ZMYM4: variants seen among roughly 807,000 people sequenced by gnomAD.
The protein encoded by ZMYM4 is zinc finger MYM-type containing 4.
A neutral mutation model predicts 183.2 loss-of-function variants in ZMYM4; 31 were observed. That is an observed-to-expected ratio of 0.17 (90% confidence interval 0.13 to 0.23). ZMYM4 has a LOEUF of 0.23. ZMYM4 is among the 10% of genes least tolerant of loss of function. The pLI is 1.00. For synonymous variants in ZMYM4, 592 were observed against 631.2 expected (o/e 0.94, Z 0.93); for missense variants, 1,273 against 1,840.3 (o/e 0.69, Z 5.64).
intron 1 of ZMYM4, among the ~76,000 whole-genome samples, chr1:35,296,843 C>CTTTCTTTTTTTTTTTTTTTTTTTTTTTT (rs1553163901): frequency 2.1e-5 from 2 of 95,602 alleles, no homozygotes; most frequent in East Asian, 7.1e-4. Context: ...TTCTTTCTTT[C>CTTTCTTTTTTTTTTTTTTTTTTTTTTTT]TTTTTTTTTT....
At chr1:35,297,498 A>G (rs1641079013) in intron 1 of ZMYM4, among the ~76,000 whole-genome samples, 1 of 151,772 alleles carries the variant, frequency 6.6e-6, no homozygotes, top group Non-Finnish European at 1.5e-5. Context: ...AAAAATGTAT[A>G]TATATTTTTA....
chr1:35,366,710 A>G (rs1252603924), intron 5 of ZMYM4, among the ~76,000 whole-genome samples: 1 of 152,180 alleles, frequency 6.6e-6, no homozygotes. Flanking sequence ...GATGTCAGTT[A>G]TTTTTAAATT....
Position 35,387,029 on chromosome 1 carries a change from G to A in ZMYM4, c.1863G>A (p.Met621Ile), listed in dbSNP as rs749060027. 8.1e-6 allele frequency: 13 copies of A among 1,613,978 alleles called. No homozygotes were observed. Among genetic ancestry groups the A allele is most frequent in the Non-Finnish European group, 1.1e-5 (13 of 1,179,910 alleles). ...FQNLFNKPTG[M>I]NSSVVPLSQG... ...ATTTATTCAACAAACCAACTGGAAT[G>A]AATTCTTCAGTAGTGCCCTTGTCTC... The change falls in exon 12 of 30, where the codon ATG becomes ATA. Residue 621 changes from methionine to isoleucine, a missense_variant. Transcript: ENST00000314607.
At chr1:35,417,042 T>C (rs766769503) in intron 28 of ZMYM4, among the ~76,000 whole-genome samples, 11 of 152,134 alleles carry the variant, frequency 7.2e-5, no homozygotes, top group Non-Finnish European at 1.5e-4. Context: ...AAAGTAATAA[T>C]GCAGGAAGCT....
chr1:35,420,904 C>G lies in ZMYM4; in HGVS notation c.*1227C>G, dbSNP rs1055835537. The G allele has an allele frequency of 1.3e-5, 2 of 152,526 alleles. No homozygotes were observed. Among genetic ancestry groups the G allele is most frequent in the Admixed American group, 1.3e-4 (2 of 15,276 alleles). 9.4% of individuals were successfully genotyped at this position (152,526 alleles called of 1,614,324 possible). On this transcript the variant is annotated 3_prime_UTR_variant, in exon 30 of 30. Transcript: ENST00000314607. Reference sequence around the variant, plus strand: ...AGGTCTTAGAGCATTATTCCAAACTCTAGCTGTTTCAGTAGTTCTATGAGG... The same window carrying G: ...AGGTCTTAGAGCATTATTCCAAACTGTAGCTGTTTCAGTAGTTCTATGAGG...
chr1:35,284,809 A>C lies in ZMYM4; in HGVS notation c.39+15724A>C, dbSNP rs1570249373. 6.6e-5 allele frequency among the ~76,000 whole-genome samples: 10 copies of C among 152,158 alleles called. 1 individual carries two copies. Among genetic ancestry groups the C allele is most frequent in the Admixed American group, 2.0e-4 (3 of 15,286 alleles). On this transcript the variant is annotated intron_variant, in intron 1 of 29. Coordinates refer to ENST00000314607, the MANE Select transcript of ZMYM4 (RefSeq NM_005095.3). The stretch of plus-strand genomic sequence containing the variant: ...TGTTTGTGAGGTGAGAGAGAGTGTA[A>C]GCTTTCTGGTGTTTCTTCTTAGAAG...
At chr1:35,276,697 T>G (rs1350267685) in intron 1 of ZMYM4, among the ~76,000 whole-genome samples, 1 of 152,156 alleles carries the variant, frequency 6.6e-6, no homozygotes, top group Non-Finnish European at 1.5e-5. Flanking sequence ...ATCGTCCGTC[T>G]CCTGGGTTCA....
intron 18 of ZMYM4, among the ~76,000 whole-genome samples, chr1:35,394,955 A>T (rs1402158034): frequency 2.0e-5 from 3 of 152,062 alleles, no homozygotes; most frequent in Admixed American, 6.5e-5. Context: ...CTACTAAAAA[A>T]TTTTTAAAAG....
intron 1 of ZMYM4, among the ~76,000 whole-genome samples, 159 bp from the exon 2 acceptor site, chr1:35,325,201 A>G: frequency 6.6e-6 from 1 of 151,916 alleles, no homozygotes; most frequent in Non-Finnish European, 1.5e-5. Flanking sequence ...GTTCATCCTA[A>G]ATTTTATTTT....
intron 26 of ZMYM4, among the ~76,000 whole-genome samples, chr1:35,409,399 A>G (rs1053260942): frequency 1.3e-5 from 2 of 152,042 alleles, no homozygotes; most frequent in Non-Finnish European, 2.9e-5. Flanking sequence ...ACAGCAGTGT[A>G]TGAAGATTCC....
chr1:35,381,253 T>C lies in ZMYM4; in HGVS notation c.1182-6T>C. On this transcript the variant is annotated splice_region_variant and splice_polypyrimidine_tract_variant and intron_variant, in intron 7 of 29. Transcript: ENST00000314607. ...ATGGCTTATGTTATTTTTTTCTTAT[T>C]TTTAGAGACATTTTAAATCCAAAGG... 1.3e-6 allele frequency: 2 copies of C among 1,566,606 alleles called. No individual in the cohort carries two copies. Among genetic ancestry groups the C allele is most frequent in the Non-Finnish European group, 1.7e-6 (2 of 1,158,746 alleles).
At chr1:35,323,277 C>T (rs1013678105) in intron 1 of ZMYM4, among the ~76,000 whole-genome samples, 1 of 152,182 alleles carries the variant, frequency 6.6e-6, no homozygotes, top group Non-Finnish European at 1.5e-5. Flanking sequence ...GCTGGGATTA[C>T]AGGCGTGAGC....
chr1:35,402,544 G>C (rs370914418), intron 23 of ZMYM4, among the ~76,000 whole-genome samples: 139 of 152,182 alleles, frequency 9.1e-4, no homozygotes, highest in African/African-American at 2.8e-3. Flanking sequence ...TTGAGCCTAG[G>C]GGGGGTCGAG....
chr1:35,299,038 T>G (rs889376016), intron 1 of ZMYM4, among the ~76,000 whole-genome samples: 2 of 151,916 alleles, frequency 1.3e-5, no homozygotes, highest in South Asian at 4.1e-4. Context: ...AAAGTTTTTT[T>G]TTTTTTTTTT....
chr1:35,405,579 A>G (rs1401950346), intron 25 of ZMYM4, 111 bp downstream of exon 25: 4 of 866,002 alleles, frequency 4.6e-6, no homozygotes, highest in Non-Finnish European at 6.7e-6. Flanking sequence ...TTAAGGTTAG[A>G]AAGAGAAATT....
intron 2 of ZMYM4, among the ~76,000 whole-genome samples, chr1:35,357,254 C>A (rs1188036197): frequency 1.3e-5 from 2 of 152,142 alleles, no homozygotes; most frequent in Non-Finnish European, 2.9e-5. Flanking sequence ...CAACTCAAAT[C>A]AACTTAACAA....
chr1:35,418,579 T>G lies in ZMYM4; in HGVS notation c.4439+7T>G. On this transcript the variant is annotated splice_region_variant and intron_variant, in intron 29 of 29. Coordinates refer to ENST00000314607, the MANE Select transcript of ZMYM4 (RefSeq NM_005095.3). ...AGTTTTACCTGTCAAAATGGTAATCTTTCTCTGAACTGAATGTAGTGCACT... is the reference window on the plus strand; with the variant it reads ...AGTTTTACCTGTCAAAATGGTAATCGTTCTCTGAACTGAATGTAGTGCACT... The G allele has an allele frequency of 1.2e-6, 2 of 1,613,900 alleles. No homozygotes were observed. Among genetic ancestry groups the G allele is most frequent in the South Asian group, 2.2e-5 (2 of 91,038 alleles).
At chr1:35,376,344 C>A (rs1428403291) in intron 7 of ZMYM4, among the ~76,000 whole-genome samples, 3 of 152,130 alleles carry the variant, frequency 2.0e-5, no homozygotes, top group Admixed American at 6.5e-5. Context: ...TTTATACTTC[C>A]ATTTCCTTGA....
At chr1:35,412,075 T>C (rs1639930473) in intron 26 of ZMYM4, among the ~76,000 whole-genome samples, 1 of 151,286 alleles carries the variant, frequency 6.6e-6, no homozygotes, top group Non-Finnish European at 1.5e-5. Context: ...GTATTTTTAG[T>C]AGAGACAGGG....
Sources: allele counts gnomAD v4.1 joint callset (sites outside exome capture counted in the v4.1 genomes callset), GRCh38; gene constraint gnomAD v4.1.1; transcripts MANE v1.5; gene names NCBI Gene and HGNC (gene_info 2026-07-23, HGNC 2026-07-21).